The following RP1 variants were observed in gnomAD, a reference collection of about 807,000 sequenced individuals.
The protein encoded by RP1 is oxygen-regulated protein 1.
RP1 carries 16 observed loss-of-function variants against 14.8 expected under a neutral mutation model. The ratio of observed to expected loss-of-function variants is 1.08; its 90% confidence interval spans 0.73 to 1.65. RP1 has a LOEUF of 1.65. RP1 is among the 40% of genes most tolerant of loss of function. RP1 has a pLI of 0.00. For synonymous variants in RP1, 876 were observed against 883.6 expected (o/e 0.99, Z 0.15); for missense variants, 2,631 against 2,535.0 (o/e 1.04, Z -0.81).
chr8:54,577,505 T>C (rs920383014), intron 1 of RP1, among the ~76,000 whole-genome samples: 2 of 152,074 alleles, frequency 1.3e-5, no homozygotes, highest in Admixed American at 6.6e-5. Flanking sequence ...ACTTGTGTAC[T>C]TTTTTTGCTT....
chr8:54,823,284 T>C (rs1811303488), intron 24 of RP1, among the ~76,000 whole-genome samples: 1 of 152,186 alleles, frequency 6.6e-6, no homozygotes, highest in South Asian at 2.1e-4. Context: ...TGTTATATAA[T>C]TGGAATCATG....
intron 24 of RP1, among the ~76,000 whole-genome samples, chr8:54,806,316 C>T (rs190508741): frequency 5.4e-4 from 82 of 151,692 alleles, no homozygotes; most frequent in African/African-American, 1.8e-3. Flanking sequence ...TGTGTCTGGC[C>T]GGGTTTTTTT....
At position 54,625,619 on chromosome 8, in the gene RP1, T is replaced by G. The variant is rs1328442461; in HGVS notation, c.1737T>G (p.Asp579Glu). Residue 579 changes from aspartate to glutamate, a missense_variant, in exon 4 of 4, where the codon GAT (aspartate) becomes GAG (glutamate). Transcript: ENST00000220676. ...CAAATAACTCAATTGTGGAGGAAGATGTAGTTGATTGTGTGGTATTGGACA... is the reference window on the plus strand; with the variant it reads ...CAAATAACTCAATTGTGGAGGAAGAGGTAGTTGATTGTGTGGTATTGGACA... ...TISNNSIVEEDVVDCVVLDNK... is the reference protein window; with the variant it reads ...TISNNSIVEEEVVDCVVLDNK... 1 of 1,614,164 alleles carries G rather than the reference T, an allele frequency of 6.2e-7. No homozygotes were observed. The highest frequency in any genetic ancestry group is 8.5e-7 in the Non-Finnish European group (1 of 1,180,012).
intron 25 of RP1, among the ~76,000 whole-genome samples, chr8:54,845,197 G>A (rs1811885899): frequency 6.6e-6 from 1 of 152,184 alleles, no homozygotes; most frequent in South Asian, 2.1e-4. Flanking sequence ...TGACTATCGG[G>A]GAGGAGCACT....
intron 4 of RP1, among the ~76,000 whole-genome samples, chr8:54,651,182 C>A (rs905313363): frequency 3.3e-5 from 5 of 151,882 alleles, no homozygotes; most frequent in Non-Finnish European, 5.9e-5. Context: ...TTTAATATGC[C>A]TCTGGATTCA....
At chr8:54,716,252 A>G (rs1808400964) in intron 15 of RP1, among the ~76,000 whole-genome samples, 1 of 152,094 alleles carries the variant, frequency 6.6e-6, no homozygotes, top group African/African-American at 2.4e-5. Flanking sequence ...GCTTAGTTTG[A>G]CTGATGGATT....
intron 1 of RP1, among the ~76,000 whole-genome samples, chr8:54,579,470 C>A (rs967327713): frequency 6.6e-6 from 1 of 152,132 alleles, no homozygotes; most frequent in Admixed American, 6.5e-5. Context: ...ACTCTGGTGT[C>A]TTGTGGCATT....
intron 23 of RP1, among the ~76,000 whole-genome samples, chr8:54,781,872 G>A (rs934994356): frequency 1.3e-5 from 2 of 152,068 alleles, no homozygotes; most frequent in Admixed American, 6.6e-5. Flanking sequence ...ATTCCAAAAA[G>A]GAGGAACACA....
At chr8:54,812,360 C>T (rs1280188515) in intron 24 of RP1, among the ~76,000 whole-genome samples, 4 of 152,092 alleles carry the variant, frequency 2.6e-5, no homozygotes, top group Admixed American at 6.6e-5. Context: ...AGGCTGGTCT[C>T]GAACTCCTGG....
chr8:54,797,530 AACACAC>A (rs3077304), intron 24 of RP1, among the ~76,000 whole-genome samples: 4 of 148,396 alleles, frequency 2.7e-5, no homozygotes, highest in Admixed American at 1.3e-4. Flanking sequence ...CATAGGACTA[AACACAC>A]ACACACACAC....
intron 22 of RP1, among the ~76,000 whole-genome samples, chr8:54,768,134 C>G (rs1056690160): frequency 6.6e-6 from 1 of 152,240 alleles, no homozygotes; most frequent in African/African-American, 2.4e-5. Context: ...TCCTGTGCGT[C>G]AGCCACGTGG....
intron 23 of RP1, among the ~76,000 whole-genome samples, chr8:54,780,617 A>G (rs1309385169): frequency 2.6e-5 from 4 of 152,184 alleles, no homozygotes. Context: ...TTTTCTTGTC[A>G]TTGTTACCTA....
In RP1 at chr8:54,630,825, A is replaced by T; in HGVS notation, c.*472A>T. On this transcript the variant is annotated 3_prime_UTR_variant, in exon 4 of 4. Coordinates refer to ENST00000220676, the MANE Select transcript of RP1 (RefSeq NM_006269.2). Reference sequence around the variant, plus strand: ...ATTATAAGATATCCACGACAATCTCATAGTTTCTTGTGCCAAATATGTTGA... The same window carrying T: ...ATTATAAGATATCCACGACAATCTCTTAGTTTCTTGTGCCAAATATGTTGA... 2 of 991,396 alleles carry T rather than the reference A, an allele frequency of 2.0e-6. No individual in the cohort carries two copies. The highest frequency in any genetic ancestry group is 2.4e-6 in the Non-Finnish European group (2 of 832,218). The allele number at this position is 991,396 out of a possible 1,614,324, so 61.4% of individuals were successfully genotyped here.
Position 54,629,548 on chromosome 8 carries a change from A to G in RP1, c.5666A>G (p.Gln1889Arg), listed in dbSNP as rs1806188810. 6.2e-7 allele frequency: 1 copy of G among 1,613,968 alleles called. No individual in the cohort carries two copies. The highest frequency in any genetic ancestry group is 1.1e-5 in the South Asian group (1 of 91,088). Residue 1889 changes from glutamine (Q) to arginine (R), a missense_variant, in exon 4 of 4, where the codon CAA becomes CGA. Coordinates refer to ENST00000220676, the MANE Select transcript of RP1 (RefSeq NM_006269.2). The stretch of plus-strand genomic sequence containing the variant: ...GTCTCTGATGATGCTATTAAAAACC[A>G]ACCATTGCCTGGCAGTAATATGATT... ...YPVSDDAIKN[Q>R]PLPGSNMIHG...
intron 3 of RP1, among the ~76,000 whole-genome samples, chr8:54,640,112 C>CT (rs913258898): frequency 0.034 from 4,735 of 140,330 alleles, 139 homozygotes; most frequent in African/African-American, 0.075. Context: ...CCATTTTGAG[C>CT]TTTTTTTTTT....
chr8:54,801,052 A>G (rs1002530981), intron 24 of RP1, among the ~76,000 whole-genome samples: 1 of 152,196 alleles, frequency 6.6e-6, no homozygotes, highest in African/African-American at 2.4e-5. Context: ...TGTAACCATT[A>G]CTTGGGCTGA....
chr8:54,566,996 G>A (rs1376722352), intron 1 of RP1, among the ~76,000 whole-genome samples: 4 of 152,176 alleles, frequency 2.6e-5, no homozygotes, highest in African/African-American at 9.6e-5. Flanking sequence ...GGAGCCCGGT[G>A]TGAGGTCTGG....
chr8:54,726,364 G>A (rs1412005334), exon 17 of RP1: 1 of 1,524,368 alleles, frequency 6.6e-7, no homozygotes, highest in East Asian at 2.5e-5. Flanking sequence ...AAAACCCAAT[G>A]GGAATGTCTG....
At chr8:54,696,080 T>C (rs887629273) in intron 12 of RP1, among the ~76,000 whole-genome samples, 22 of 152,146 alleles carry the variant, frequency 1.4e-4, no homozygotes, top group Admixed American at 1.3e-4. Flanking sequence ...AACCTCTGCA[T>C]CAGACCTTAT....
Sources: gnomAD v4.1 joint callset for allele counts (sites outside exome capture counted in the v4.1 genomes callset) on GRCh38, gnomAD v4.1.1 for gene constraint, MANE v1.5 for transcripts, NCBI Gene and HGNC (gene_info 2026-07-23, HGNC 2026-07-21) for gene names.